Variants in DLG2 observed in about 807,000 individuals in gnomAD.
DLG2 encodes discs large MAGUK scaffold protein 2.
A neutral mutation model predicts 132.5 loss-of-function variants in DLG2; 45 were observed. That is an observed-to-expected ratio of 0.34 (90% CI 0.27 to 0.44). The LOEUF (loss-of-function observed/expected upper bound fraction) is 0.44, where lower values mean the gene tolerates loss of function less well. Among genes scored for constraint, DLG2 ranks in the 20% least tolerant of loss-of-function variants. The pLI, the probability that DLG2 is intolerant of heterozygous loss-of-function variation, is 1.00. For missense variants in DLG2, 1,045 were observed against 1,196.9 expected (o/e 0.87, Z 1.87); for synonymous variants, 424 against 419.6 (o/e 1.01, Z -0.13).
intron 6 of DLG2, among the ~76,000 whole-genome samples, chr11:84,939,746 A>T (rs1057424580): frequency 1.3e-5 from 2 of 152,222 alleles, no homozygotes; most frequent in African/African-American, 4.8e-5. Flanking sequence ...ATTGCAAATG[A>T]CAGTATCTCA....
At chr11:84,883,502 AT>A (rs2087709486) in intron 6 of DLG2, among the ~76,000 whole-genome samples, 1 of 152,074 alleles carries the variant, frequency 6.6e-6, no homozygotes, top group South Asian at 2.1e-4. Context: ...ATGTTGAATA[AT>A]TTTAAAAAAC....
intron 3 of DLG2, among the ~76,000 whole-genome samples, chr11:85,471,243 C>A (rs1224245866): frequency 6.6e-6 from 1 of 152,068 alleles, no homozygotes; most frequent in Admixed American, 6.6e-5. Flanking sequence ...AGAAATAATA[C>A]CTTTGATCTC....
chr11:84,986,607 G>T (rs1048880209), intron 6 of DLG2, among the ~76,000 whole-genome samples: 1 of 152,076 alleles, frequency 6.6e-6, no homozygotes, highest in African/African-American at 2.4e-5. Flanking sequence ...CAGGGATCCA[G>T]GGATGGTTAC....
intron 21 of DLG2, among the ~76,000 whole-genome samples, chr11:83,525,195 T>C (rs138938886): frequency 1.8e-4 from 28 of 152,322 alleles, no homozygotes; most frequent in South Asian, 1.2e-3. Flanking sequence ...AGGGTTTACA[T>C]AGGACACACC....
chr11:83,545,310 G>C (rs1028997506), intron 19 of DLG2, among the ~76,000 whole-genome samples: 3 of 152,150 alleles, frequency 2.0e-5, no homozygotes, highest in African/African-American at 7.2e-5. Flanking sequence ...TATATGTAAA[G>C]TATTGTAACA....
At chr11:83,940,935 T>C (rs1276423271) in intron 14 of DLG2, among the ~76,000 whole-genome samples, 1 of 152,216 alleles carries the variant, frequency 6.6e-6, no homozygotes, top group Non-Finnish European at 1.5e-5. Context: ...GATATTTAAA[T>C]AGGAAATCTG....
chr11:84,898,384 G>A (rs1045783261), intron 6 of DLG2, among the ~76,000 whole-genome samples: 4 of 151,282 alleles, frequency 2.6e-5, no homozygotes, highest in Non-Finnish European at 3.0e-5. Context: ...TGCTTTTTTC[G>A]TTAGCTACCA....
chr11:84,769,506 T>C lies in DLG2; in HGVS notation c.358-234775A>G, dbSNP rs188116240. 4.2e-3 allele frequency among the ~76,000 whole-genome samples: 636 copies of C among 152,196 alleles called. 11 individuals are homozygous for C. The highest frequency in any genetic ancestry group is 0.032 in the Admixed American group (486 of 15,294). On this transcript the variant is annotated intron_variant, in intron 6 of 27. Transcript: ENST00000376104. ...TTAAAGTGACCAAATATATAAATTA[T>C]TGGTATTGCTGAGAAAGAGAAGAAG...
At chr11:85,021,655 G>A (rs2060079206) in intron 6 of DLG2, 5 of 1,168,816 alleles carry the variant, frequency 4.3e-6, no homozygotes, top group Non-Finnish European at 6.4e-6. Context: ...GCTAGCCATT[G>A]TGTTTGATGA....
At chr11:84,081,456 C>T (rs1251261412) in intron 10 of DLG2, among the ~76,000 whole-genome samples, 2 of 150,264 alleles carry the variant, frequency 1.3e-5, no homozygotes, top group Non-Finnish European at 3.0e-5. Flanking sequence ...AAAAAAGTAA[C>T]AAGGAATACT....
chr11:85,154,660 A>G lies in DLG2; in HGVS notation c.187-9T>C. The G allele has an allele frequency of 7.4e-7, 1 of 1,351,788 alleles. No individual in the cohort carries two copies. Among genetic ancestry groups the G allele is most frequent in the Non-Finnish European group, 1.0e-6 (1 of 977,452 alleles). The allele number at this position is 1,351,788 out of a possible 1,614,324, so 83.7% of individuals were successfully genotyped here. A position where few individuals can be genotyped will look rare whatever the true frequency, so the allele number is the denominator to read the frequency against. On this transcript the variant is annotated splice_polypyrimidine_tract_variant and intron_variant, in intron 4 of 27. Coordinates refer to ENST00000376104, the MANE Select transcript of DLG2 (RefSeq NM_001142699.3). ...CCACTGCAATCTGTAAGCTAAAATAAAAGTTTAAAAAATCAATACTCCTTT... is the reference window on the plus strand; with the variant it reads ...CCACTGCAATCTGTAAGCTAAAATAGAAGTTTAAAAAATCAATACTCCTTT...
At chr11:85,595,703 T>C (rs1417176943) in intron 3 of DLG2, among the ~76,000 whole-genome samples, 1 of 152,172 alleles carries the variant, frequency 6.6e-6, no homozygotes, top group Non-Finnish European at 1.5e-5. Flanking sequence ...AACAGTTCAT[T>C]CTCCATGCTT....
chr11:84,494,400 A>G (rs2099174555), intron 7 of DLG2, among the ~76,000 whole-genome samples: 1 of 152,174 alleles, frequency 6.6e-6, no homozygotes, highest in Non-Finnish European at 1.5e-5. Context: ...TGAAAGTAGA[A>G]TGTTAAAATC....
At chr11:85,448,403 T>A (rs2092101640) in intron 3 of DLG2, among the ~76,000 whole-genome samples, 1 of 152,064 alleles carries the variant, frequency 6.6e-6, no homozygotes, top group Non-Finnish European at 1.5e-5. Flanking sequence ...TAAAAATAAA[T>A]TCAGACACCA....
At chr11:84,866,755 C>T (rs955611430) in intron 6 of DLG2, among the ~76,000 whole-genome samples, 6 of 152,096 alleles carry the variant, frequency 3.9e-5, no homozygotes, top group African/African-American at 9.7e-5. Context: ...TAATCCTATG[C>T]GGTAGTTATA....
intron 4 of DLG2, among the ~76,000 whole-genome samples, chr11:85,156,841 G>A (rs559735395): frequency 3.3e-4 from 50 of 152,304 alleles, no homozygotes; most frequent in Admixed American, 6.5e-4. Context: ...CCAGATCAGA[G>A]CCCTTATTCA....
At chr11:84,354,664 C>T (rs1388713225) in intron 7 of DLG2, among the ~76,000 whole-genome samples, 1 of 152,108 alleles carries the variant, frequency 6.6e-6, no homozygotes, top group South Asian at 2.1e-4. Context: ...ATCTGTCAAA[C>T]CCTAGATCTA....
chr11:85,235,509 T>C (rs1180441186), intron 4 of DLG2, among the ~76,000 whole-genome samples: 1 of 151,992 alleles, frequency 6.6e-6, no homozygotes, highest in Middle Eastern at 3.2e-3. Flanking sequence ...TTTATGTTGT[T>C]AGGAAAATCT....
chr11:84,792,678 A>G (rs77199199), intron 6 of DLG2, among the ~76,000 whole-genome samples: 14,446 of 152,090 alleles, frequency 0.095, 770 homozygotes, highest in Non-Finnish European at 0.12. Flanking sequence ...GAATGTATAC[A>G]TTGCCTCTAG....
Sources: allele counts gnomAD v4.1 joint callset (sites outside exome capture counted in the v4.1 genomes callset), GRCh38; gene constraint gnomAD v4.1.1; transcripts MANE v1.5; gene names NCBI Gene and HGNC (gene_info 2026-07-23, HGNC 2026-07-21).